Variants in IKZF5 observed in about 807,000 individuals in gnomAD.
IKZF5 encodes IKAROS family zinc finger 5.
Under a neutral mutation model 30.7 loss-of-function variants are expected in IKZF5, and 4 were observed. The ratio of observed to expected loss-of-function variants is 0.13; its 90% CI spans 0.06 to 0.30. IKZF5 has a LOEUF of 0.30. IKZF5 is among the 10% of genes least tolerant of loss of function. The pLI is 1.00. For missense variants in IKZF5, 348 were observed against 525.5 expected, an observed-to-expected ratio of 0.66 and a Z score of 3.30; for synonymous variants, 148 against 179.6, an observed-to-expected ratio of 0.82 and a Z score of 1.41.
chr10:122,997,457 A>G (rs1283873353), intron 3 of IKZF5: 1 of 152,246 alleles, frequency 6.6e-6, no homozygotes, highest in Non-Finnish European at 1.5e-5. Context: ...TCACTATCAC[A>G]TTTTAATGTG....
intron 2 of IKZF5, among the ~76,000 whole-genome samples, chr10:122,999,637 C>A (rs1411750269): frequency 2.0e-5 from 3 of 152,208 alleles, no homozygotes; most frequent in African/African-American, 7.2e-5. Flanking sequence ...GCTTCCCAAC[C>A]CCTGCTCTAG....
intron 2 of IKZF5, among the ~76,000 whole-genome samples, chr10:123,003,597 T>C (rs1269950485): frequency 6.6e-6 from 1 of 152,234 alleles, no homozygotes; most frequent in Non-Finnish European, 1.5e-5. Context: ...GTGACATGTA[T>C]CACATATGGT....
rs1195583565 is a variant in IKZF5 at position 122,992,551 on chromosome 10, TTTAG to T, written c.*1225_*1228del. The T allele has an allele frequency of 1.5e-4, 23 of 152,200 alleles. No individual in the cohort carries two copies. The highest frequency in any genetic ancestry group is 2.6e-4 in the Non-Finnish European group (18 of 68,014). 9.4% of individuals were successfully genotyped at this position (152,200 alleles called of 1,614,324 possible). A position where few individuals can be genotyped will look rare whatever the true frequency, so the allele number is the denominator to read the frequency against. On this transcript the variant is annotated 3_prime_UTR_variant, in exon 5 of 5. Transcript: ENST00000368886. ...CCTATTCAAAATGAATTACTCTATA[TTTAG>T]TAAGTCTTATTTTTATAAACAAATT...
Position 122,995,981 on chromosome 10 carries a change from G to A in IKZF5, c.316+13C>T, listed in dbSNP as rs779707011. 3.1e-6 allele frequency: 5 copies of A among 1,610,584 alleles called. No individual in the cohort carries two copies. The highest frequency in any genetic ancestry group is 1.6e-4 in the Middle Eastern group (1 of 6,076). ...CCTCACAGAAATGCTTTTTCCAGCT[G>A]TCTTTCCATTACCTGTGTGGATTCT... On this transcript the variant is annotated intron_variant, in intron 4 of 4. Transcript: ENST00000368886.
rs1258265834 is a variant in IKZF5, at chr10:123,008,765, C to T, written c.-269G>A. The T allele has an allele frequency of 2.8e-5, 17 of 606,990 alleles. No homozygotes were observed. Among genetic ancestry groups the T allele is most frequent in the Non-Finnish European group, 4.7e-5 (16 of 339,928 alleles). The allele number at this position is 606,990 out of a possible 1,614,324, so 37.6% of individuals were successfully genotyped here. A position where few individuals can be genotyped will look rare whatever the true frequency, so the allele number is the denominator to read the frequency against. On this transcript the variant is annotated 5_prime_UTR_variant, in exon 1 of 5. It adds an upstream start codon to the 5' untranslated region. Transcript: ENST00000368886. ...GTCGCCGCCGCCGCCGTCTTCGTCA[C>T]CGTCACAGTCGCCGCCGCCATCTTT...
rs373533220 is a variant in IKZF5 at position 122,996,106 on chromosome 10, T to C, written c.204A>G (p.Gly68=). ...SVEVSLDENS[G]MLVDGFERTF... ...TCCTTTCAAACCCGTCTACTAACAT[T>C]CCTGAGTTTTCATCCAAGGAAACTT... The change falls in exon 4 of 5, where the codon GGA becomes GGG. Residue 68 remains glycine, a synonymous_variant. Transcript: ENST00000368886. 5.6e-6 allele frequency: 9 copies of C among 1,613,980 alleles called. No homozygotes were observed. In the African/African-American group the frequency reaches 1.2e-4, roughly 22 times the overall value.
In IKZF5 at chr10:122,995,933, G is replaced by GC. The variant is rs1455952417; in HGVS notation, c.316+60dup. On this transcript the variant is annotated intron_variant, in intron 4 of 4. Transcript: ENST00000368886. The stretch of plus-strand genomic sequence containing the variant: ...AACTATTTCTATGACAAACCAACCT[G>GC]CCCCCCTTGGCCCCTCTCCTGCCCT... 7.3e-6 allele frequency: 11 copies of GC among 1,500,876 alleles called. No homozygotes were observed. The East Asian group carries it at 1.6e-4, about 22-fold the overall frequency. 93.0% of individuals were successfully genotyped at this position (1,500,876 alleles called of 1,614,324 possible).
Position 122,996,038 on chromosome 10 carries a change from C to G in IKZF5, c.272G>C (p.Ser91Thr), listed in dbSNP as rs1189032637. The G allele has an allele frequency of 6.2e-7, 1 of 1,614,094 alleles. No individual in the cohort carries two copies. ...TTCAATAAGCCGGGCTGTTCCTTTGCTGGCATAGTTGCAGTACCGACACTT... is the reference window on the plus strand; with the variant it reads ...TTCAATAAGCCGGGCTGTTCCTTTGGTGGCATAGTTGCAGTACCGACACTT... ...KLKCRYCNYA[S>T]KGTARLIEHI... Residue 91 changes from serine to threonine, a missense_variant, in exon 4 of 5, where the codon AGC becomes ACC. This residue lies in a region of IKZF5 where 36 missense variants were observed against 129.4 expected (regional missense o/e 0.28). Transcript: ENST00000368886.
rs1849925109 is a variant in IKZF5, at chr10:123,008,675, C to A, written c.-198+19G>T. 1 of 415,028 alleles carries A rather than the reference C, an allele frequency of 2.4e-6. No individual in the cohort carries two copies. Among genetic ancestry groups the A allele is most frequent in the Non-Finnish European group, 4.6e-6 (1 of 219,704 alleles). 25.7% of individuals were successfully genotyped at this position (415,028 alleles called of 1,614,324 possible). A position where few individuals can be genotyped will look rare whatever the true frequency, so the allele number is the denominator to read the frequency against. On this transcript the variant is annotated intron_variant, in intron 1 of 4. Transcript: ENST00000368886. ...TCCTGCCGCGTCGCCGCCGTCCGAG[C>A]CGGCAGCCTGCTACTTACCTCCTGA...
chr10:122,991,196 T>C lies in IKZF5; in HGVS notation c.*2584A>G, dbSNP rs563874372. On this transcript the variant is annotated 3_prime_UTR_variant, in exon 5 of 5. Coordinates refer to ENST00000368886, the MANE Select transcript of IKZF5 (RefSeq NM_001372123.1). ...GCAAACACTTATTTCTAAAATGAAA[T>C]AGCCCTGGAAACACCCAGTGGAATT... 6 of 152,258 alleles carry C rather than the reference T, an allele frequency of 3.9e-5. No individual in the cohort carries two copies. Among genetic ancestry groups the C allele is most frequent in the African/African-American group, 9.6e-5 (4 of 41,554 alleles). 9.4% of individuals were successfully genotyped at this position (152,258 alleles called of 1,614,324 possible).
rs1351193869 is a variant in IKZF5, at chr10:122,996,168, C to G, written c.142G>C (p.Asp48His). ...TGATCAAGTCCATTTTGATCACCATCTGTTCCAGCTATAAACAAAGTACCG... is the reference window on the plus strand; with the variant it reads ...TGATCAAGTCCATTTTGATCACCATGTGTTCCAGCTATAAACAAAGTACCG... The part of the protein sequence containing the change: ...EAEALQGAGT[D>H]GDQNGLDHPS... Residue 48 changes from aspartate to histidine, a missense_variant, in exon 4 of 5, where the codon GAT becomes CAT. Asp to His is a moderately conservative substitution (Grantham distance 81, BLOSUM62 -1). Transcript: ENST00000368886. 1.2e-6 allele frequency: 2 copies of G among 1,612,840 alleles called. No individual in the cohort carries two copies. The highest frequency in any genetic ancestry group is 8.5e-7 in the Non-Finnish European group (1 of 1,179,768).
intron 2 of IKZF5, among the ~76,000 whole-genome samples, chr10:123,006,371 T>C (rs1849782731): frequency 6.6e-6 from 1 of 152,182 alleles, no homozygotes; most frequent in African/African-American, 2.4e-5. Context: ...CAAGCATATA[T>C]ACAAGCACAC....
Position 122,994,846 on chromosome 10 carries a change from T to A in IKZF5, c.317-123A>T, listed in dbSNP as rs906274947. On this transcript the variant is annotated intron_variant, in intron 4 of 4. Coordinates refer to ENST00000368886, the MANE Select transcript of IKZF5 (RefSeq NM_001372123.1). The surrounding 1 kb of genome is among the most constrained non-coding windows in gnomAD (Gnocchi z 5.6). ...AGAAAATGCTTTCAGAAAGTCATATTTGCATAGCATATGAGATTGTTAAAA... is the reference window on the plus strand; with the variant it reads ...AGAAAATGCTTTCAGAAAGTCATATATGCATAGCATATGAGATTGTTAAAA... 4.1e-6 allele frequency: 3 copies of A among 726,464 alleles called. No individual in the cohort carries two copies. Among genetic ancestry groups the A allele is most frequent in the Non-Finnish European group, 6.7e-6 (3 of 445,138 alleles). The allele number at this position is 726,464 out of a possible 1,614,324, so 45.0% of individuals were successfully genotyped here.
intron 2 of IKZF5, among the ~76,000 whole-genome samples, chr10:123,000,247 A>C (rs1177128981): frequency 6.6e-6 from 1 of 152,168 alleles, no homozygotes; most frequent in African/African-American, 2.4e-5. Flanking sequence ...CTGCCCTGAC[A>C]AGGGTTACAG....
chr10:123,007,939 T>G (rs902407526), intron 1 of IKZF5, among the ~76,000 whole-genome samples: 9 of 152,146 alleles, frequency 5.9e-5, no homozygotes, highest in African/African-American at 2.2e-4. Flanking sequence ...GTCACACGTC[T>G]TTCGGGTTCT....
chr10:123,005,494 T>C lies in IKZF5; in HGVS notation c.-47+1532A>G, dbSNP rs186994318. Among the ~76,000 whole-genome samples the C allele has an allele frequency of 1.6e-4, 24 of 152,322 alleles. No homozygotes were observed. The East Asian group carries it at 2.1e-3, about 13-fold the overall frequency. The stretch of plus-strand genomic sequence containing the variant: ...TATCATGTCATCTGAACAAGAAATA[T>C]ACTTAAGTATTCTCCAGTATTATTA... On this transcript the variant is annotated intron_variant, in intron 2 of 4. Coordinates refer to ENST00000368886, the MANE Select transcript of IKZF5 (RefSeq NM_001372123.1).
chr10:123,004,493 C>G (rs950947203), intron 2 of IKZF5, among the ~76,000 whole-genome samples: 16 of 152,000 alleles, frequency 1.1e-4, no homozygotes, highest in African/African-American at 3.9e-4. Flanking sequence ...TTTAAGAACA[C>G]AAATGAGCCT....
chr10:122,994,833 C>T lies in IKZF5; in HGVS notation c.317-110G>A. Reference sequence around the variant, plus strand: ...AAATTGATCAAAAAGAAAATGCTTTCAGAAAGTCATATTTGCATAGCATAT... The same window carrying T: ...AAATTGATCAAAAAGAAAATGCTTTTAGAAAGTCATATTTGCATAGCATAT... On this transcript the variant is annotated intron_variant, in intron 4 of 4. Transcript: ENST00000368886. This position sits in a 1 kb window ranked among gnomAD's most constrained non-coding sequence, Gnocchi z 5.6. 1.2e-6 allele frequency: 1 copy of T among 841,590 alleles called. No homozygotes were observed. Among genetic ancestry groups the T allele is most frequent in the Non-Finnish European group, 1.8e-6 (1 of 542,684 alleles). The allele number at this position is 841,590 out of a possible 1,614,324, so 52.1% of individuals were successfully genotyped here. A position where few individuals can be genotyped will look rare whatever the true frequency, so the allele number is the denominator to read the frequency against.
intron 2 of IKZF5, among the ~76,000 whole-genome samples, chr10:122,999,564 G>A (rs1165189084): frequency 6.6e-6 from 1 of 152,222 alleles, no homozygotes; most frequent in Non-Finnish European, 1.5e-5. Context: ...AAATGGGTGG[G>A]GCTATGTTCC....
Sources: allele counts gnomAD v4.1 joint callset (sites outside exome capture counted in the v4.1 genomes callset), GRCh38; gene constraint gnomAD v4.1.1; regional missense constraint gnomAD v4.1.1; non-coding constraint Gnocchi (gnomAD v3.1); transcripts MANE v1.5; gene names NCBI Gene and HGNC (gene_info 2026-07-23, HGNC 2026-07-21).